The following TBC1D26 variants were observed in gnomAD, a reference collection of about 807,000 sequenced individuals.
The protein encoded by TBC1D26 is TBC1 domain family member 26, also known as TBC1 domain family, member 26.
TBC1D26 carries 19 observed loss-of-function variants against 42.5 expected under a neutral mutation model. The observed-to-expected ratio is 0.45, with a 90% CI of 0.31 to 0.66. TBC1D26 has a LOEUF of 0.66. TBC1D26 is among the 30% of genes least tolerant of loss of function. The probability of loss-of-function intolerance (pLI) is 0.06; values close to 1 mark genes in which losing one functional copy is unlikely to be tolerated. For missense variants in TBC1D26, 228 were observed against 332.6 expected, an observed-to-expected ratio of 0.69 and a Z score of 2.45; for synonymous variants, 97 against 123.5, an observed-to-expected ratio of 0.79 and a Z score of 1.42.
At chr17:15,735,529 G>A in intron 3 of TBC1D26, 68 bp from the exon 4 acceptor site, 12 of 1,165,388 alleles carry the variant, frequency 1.0e-5, no homozygotes, top group Non-Finnish European at 1.4e-5. Flanking sequence ...GGGAGGGGCT[G>A]CCCACCTCCC....
rs775308514 is a variant in TBC1D26, at chr17:15,741,102, G to A, written c.547-20G>A. 7 of 1,606,570 alleles carry A rather than the reference G, an allele frequency of 4.4e-6. No individual in the cohort carries two copies. Among genetic ancestry groups the A allele is most frequent in the Middle Eastern group, 1.7e-4 (1 of 6,008 alleles). On this transcript the variant is annotated intron_variant, in intron 9 of 14. Coordinates refer to ENST00000437605, the MANE Select transcript of TBC1D26 (RefSeq NM_001388465.1). ...GTCCTCCTAGGTGACATCTTTCCAC[G>A]GTGACTCTGGCTCTTGCAGGAGGTG... is the stretch of plus-strand genomic sequence containing the variant.
rs769403998 is a variant in TBC1D26, at chr17:15,741,218, G to C, written c.643G>C (p.Ala215Pro). Reference sequence around the variant, plus strand: ...TTTCTGGGCGCTTACCCAGTTGCTCGCTGGTGAGAGGCACTCCCTGTGGGT... The same window carrying C: ...TTTCTGGGCGCTTACCCAGTTGCTCCCTGGTGAGAGGCACTCCCTGTGGGT... ...DAFWALTQLL[A>P]VFYSPNTAWL... The change falls in exon 10 of 15, where the codon GCT becomes CCT. Residue 215 changes from alanine to proline, a missense_variant. This residue lies in a region of TBC1D26 where 130 missense variants were observed against 168.5 expected (regional missense o/e 0.77). Transcript: ENST00000437605. 6.2e-7 allele frequency: 1 copy of C among 1,613,602 alleles called. No individual in the cohort carries two copies. Among genetic ancestry groups the C allele is most frequent in the Non-Finnish European group, 8.5e-7 (1 of 1,179,922 alleles).
intron 10 of TBC1D26, 44 bp downstream of exon 10, chr17:15,741,265 G>A (rs758560693): frequency 1.2e-6 from 2 of 1,611,276 alleles, no homozygotes; most frequent in Non-Finnish European, 1.7e-6. Flanking sequence ...TGCCCCCGGG[G>A]CCTTACACAG....
At chr17:15,742,079 C>T in intron 11 of TBC1D26, 43 bp downstream of exon 11, 3 of 1,568,856 alleles carry the variant, frequency 1.9e-6, no homozygotes, top group Non-Finnish European at 2.6e-6. Flanking sequence ...ACGCCCTGGC[C>T]CCCATAGGCC....
rs572400030 is a variant in TBC1D26, at chr17:15,743,381, C to A, written c.922C>A (p.Leu308Ile). Reference sequence around the variant, plus strand: ...CCTCTCCCTAGAGCACCTCATGAAGCTTTCCTGGAGCACTGTCTGGGAGTT... The same window carrying A: ...CCTCTCCCTAGAGCACCTCATGAAGATTTCCTGGAGCACTGTCTGGGAGTT... Reference protein sequence around the residue: ...FKIHRKHLMKLSWSTVWEFQE... With the variant: ...FKIHRKHLMKISWSTVWEFQE... The change falls in exon 14 of 15, where the codon CTT becomes ATT. Residue 308 changes from leucine (L) to isoleucine (I), a missense_variant. Leu to Ile is a conservative substitution (Grantham distance 5). This residue lies in a region of TBC1D26 where 130 missense variants were observed against 168.5 expected (regional missense o/e 0.77). Transcript: ENST00000437605. 379 of 986,472 alleles carry A rather than the reference C, an allele frequency of 3.8e-4. 3 individuals are homozygous for A. In the African/African-American group the frequency reaches 6.5e-3, roughly 17 times the overall value. 61.1% of individuals were successfully genotyped at this position (986,472 alleles called of 1,614,324 possible).
At chr17:15,735,502 C>G in intron 3 of TBC1D26, 79 bp downstream of exon 3, 1 of 1,426,734 alleles carries the variant, frequency 7.0e-7, no homozygotes, top group Non-Finnish European at 9.5e-7. Flanking sequence ...TCCTGGGCTT[C>G]CTAAGATCAC....
intron 11 of TBC1D26, 41 bp from the exon 12 acceptor site, chr17:15,742,373 G>T: frequency 2.6e-6 from 1 of 390,912 alleles, no homozygotes. Flanking sequence ...GGATTTCAGG[G>T]CAGCCCAGGG....
chr17:15,741,018 C>A, intron 9 of TBC1D26, 104 bp from the exon 10 acceptor site: 1 of 1,468,054 alleles, frequency 6.8e-7, no homozygotes, highest in Admixed American at 1.7e-5. Flanking sequence ...GGGCCTGAGG[C>A]AGGTGTCCCC....
chr17:15,738,628 C>G (rs1469140217), intron 7 of TBC1D26, 93 bp from the exon 8 acceptor site: 57 of 1,568,880 alleles, frequency 3.6e-5, no homozygotes, highest in Non-Finnish European at 4.6e-5. Flanking sequence ...TTCCTTCCTT[C>G]CAGAAGTGCT....
rs1469362214 is a variant in TBC1D26, at chr17:15,738,295, T to C, written c.295T>C (p.Tyr99His). Residue 99 changes from tyrosine to histidine, a missense_variant, in exon 7 of 15, where the codon TAC (tyrosine) becomes CAC (histidine). Tyr to His is a moderately conservative substitution (Grantham distance 83). This residue lies in a region of TBC1D26 where 72 missense variants were observed against 90.1 expected (regional missense o/e 0.80). Transcript: ENST00000437605. ...RSTKKLSQRV[Y>H]KVIPLAVRGR... ...CTGTCTGTAGCTGTCTCAAAGAGTA[T>C]ACAAAGTCATTCCCCTGGCGGTACG... 5.0e-6 allele frequency: 8 copies of C among 1,613,588 alleles called. No homozygotes were observed. Among genetic ancestry groups the C allele is most frequent in the African/African-American group, 1.3e-5 (1 of 74,916 alleles).
chr17:15,735,310 T>C (rs1967582666), intron 2 of TBC1D26, 38 bp from the exon 3 acceptor site: 1 of 1,599,234 alleles, frequency 6.3e-7, no homozygotes, highest in African/African-American at 1.3e-5. Flanking sequence ...CTGGAGCTCT[T>C]GGGTGCGGGA....
At chr17:15,743,108 G>A (rs535973806) in intron 13 of TBC1D26, 100 bp downstream of exon 13, 78 of 153,104 alleles carry the variant, frequency 5.1e-4, no homozygotes, top group Non-Finnish European at 8.8e-4. Flanking sequence ...ATCCGGGTTG[G>A]GGGGTCTGGC....
chr17:15,737,611 T>A, intron 5 of TBC1D26, 88 bp downstream of exon 5: 1 of 1,494,452 alleles, frequency 6.7e-7, no homozygotes, highest in South Asian at 1.2e-5. Context: ...CCTGTGGGCC[T>A]GTGTGGTGGT....
At chr17:15,737,833 T>C in intron 5 of TBC1D26, 164 bp from the exon 6 acceptor site, 1 of 901,930 alleles carries the variant, frequency 1.1e-6, no homozygotes, top group South Asian at 1.7e-5. Context: ...CATTCCAGAC[T>C]ACCAGCTCCA....
intron 11 of TBC1D26, 134 bp from the exon 12 acceptor site, chr17:15,742,280 T>A: frequency 1.9e-6 from 1 of 532,838 alleles, no homozygotes; most frequent in Non-Finnish European, 3.4e-6. Context: ...CGGGCGTCCG[T>A]GCATGGGGCA....
At chr17:15,742,094 G>T in intron 11 of TBC1D26, 58 bp downstream of exon 11, 2 of 1,469,232 alleles carry the variant, frequency 1.4e-6, no homozygotes, top group South Asian at 1.2e-5. Context: ...TAGGCCAGGG[G>T]AGGCTCAAGT....
chr17:15,739,391 C>T (rs1366281461), intron 8 of TBC1D26, among the ~76,000 whole-genome samples: 3 of 152,274 alleles, frequency 2.0e-5, no homozygotes, highest in African/African-American at 4.8e-5. Context: ...CCGCATGTGA[C>T]GTTCACCGCT....
chr17:15,737,639 C>A (rs1296133203), intron 5 of TBC1D26, 116 bp downstream of exon 5: 66 of 1,171,072 alleles, frequency 5.6e-5, no homozygotes, highest in Non-Finnish European at 7.8e-5. Context: ...CCACGGCTGT[C>A]ACTGGGAGGG....
chr17:15,739,213 G>A (rs1023762780), intron 8 of TBC1D26, among the ~76,000 whole-genome samples: 6 of 151,030 alleles, frequency 4.0e-5, no homozygotes, highest in Non-Finnish European at 8.9e-5. Flanking sequence ...GAAAGGATGC[G>A]GGGCCCCGGA....
Sources: gnomAD v4.1 joint callset for allele counts (sites outside exome capture counted in the v4.1 genomes callset) on GRCh38, gnomAD v4.1.1 for gene constraint, gnomAD v4.1.1 regional missense constraint, MANE v1.5 for transcripts, NCBI Gene and HGNC (gene_info 2026-07-23, HGNC 2026-07-21) for gene names.